GK5: variants seen among roughly 807,000 people sequenced by gnomAD.
GK5 encodes glycerol kinase 5, also known as ATP:glycerol 3-phosphotransferase 5.
A neutral mutation model predicts 77.3 loss-of-function variants in GK5; 39 were observed. That is an observed-to-expected ratio of 0.50 (90% CI 0.39 to 0.66). The LOEUF is 0.66. Among genes scored for constraint, GK5 ranks in the 30% least tolerant of loss-of-function variants. GK5 has a pLI of 0.00. For missense variants in GK5, 487 were observed against 633.8 expected (o/e 0.77, Z 2.49); for synonymous variants, 211 against 208.0 (o/e 1.01, Z -0.13).
intron 3 of GK5, among the ~76,000 whole-genome samples, chr3:142,206,093 T>C (rs1262111563): frequency 6.6e-6 from 1 of 152,220 alleles, no homozygotes; most frequent in Non-Finnish European, 1.5e-5. Flanking sequence ...GTATCAGAAA[T>C]GTATTCCGTT....
At chr3:142,206,851 C>T (rs1023351334) in intron 3 of GK5, among the ~76,000 whole-genome samples, 5 of 152,112 alleles carry the variant, frequency 3.3e-5, no homozygotes, top group South Asian at 2.1e-4. Flanking sequence ...TTATTGTTCA[C>T]GTGTAAAATT....
At chr3:142,174,821 C>T (rs916685743) in intron 12 of GK5, among the ~76,000 whole-genome samples, 31 of 152,166 alleles carry the variant, frequency 2.0e-4, no homozygotes, top group African/African-American at 6.8e-4. Flanking sequence ...AGATTCTCTG[C>T]CCTGAAAACC....
chr3:142,209,117 C>G (rs557105941), intron 3 of GK5, among the ~76,000 whole-genome samples: 2 of 151,974 alleles, frequency 1.3e-5, no homozygotes, highest in East Asian at 3.9e-4. Context: ...CCACTGCACT[C>G]CAGCCTGGGC....
intron 12 of GK5, among the ~76,000 whole-genome samples, chr3:142,176,658 ATTTTTT>A (rs1219207632): frequency 5.7e-5 from 6 of 105,196 alleles, no homozygotes; most frequent in African/African-American, 2.3e-4. Context: ...GGAGATTTTG[ATTTTTT>A]TTTTTTTTTT....
At chr3:142,221,304 G>A (rs960428650) in intron 1 of GK5, among the ~76,000 whole-genome samples, 2 of 152,122 alleles carry the variant, frequency 1.3e-5, no homozygotes, top group African/African-American at 2.4e-5. Flanking sequence ...ACTACAGACT[G>A]TAATAGTTTA....
At chr3:142,179,656 A>G (rs1459205329) in intron 11 of GK5, among the ~76,000 whole-genome samples, 1 of 152,226 alleles carries the variant, frequency 6.6e-6, no homozygotes, top group African/African-American at 2.4e-5. Flanking sequence ...GAAACAGAAA[A>G]CAAAGAGAGA....
At chr3:142,168,840 T>A (rs1243598024) in intron 15 of GK5, among the ~76,000 whole-genome samples, 1 of 149,568 alleles carries the variant, frequency 6.7e-6, no homozygotes, top group Non-Finnish European at 1.5e-5. Context: ...CCTCTCCCAC[T>A]CCCTTCTTGC....
intron 1 of GK5, among the ~76,000 whole-genome samples, chr3:142,217,771 T>C (rs1297674652): frequency 6.6e-6 from 1 of 152,078 alleles, no homozygotes; most frequent in Non-Finnish European, 1.5e-5. Flanking sequence ...ATTTCACATA[T>C]ACAGAACAAA....
intron 5 of GK5, among the ~76,000 whole-genome samples, chr3:142,191,378 A>G (rs2063848011): frequency 6.6e-6 from 1 of 151,984 alleles, no homozygotes; most frequent in African/African-American, 2.4e-5. Context: ...AAAGATATCA[A>G]TTGCCTAACA....
intron 5 of GK5, among the ~76,000 whole-genome samples, chr3:142,194,175 A>G (rs915704044): frequency 1.3e-5 from 2 of 152,216 alleles, no homozygotes; most frequent in Non-Finnish European, 2.9e-5. Flanking sequence ...ACTTGAGCCC[A>G]GGAGTTCAAG....
intron 1 of GK5, among the ~76,000 whole-genome samples, chr3:142,221,899 C>T (rs531905783): frequency 3.2e-4 from 49 of 152,232 alleles, no homozygotes; most frequent in African/African-American, 1.0e-3. Flanking sequence ...GTAAGATTGA[C>T]GTCTTCTCAC....
chr3:142,186,566 C>T, intron 6 of GK5, 53 bp from the exon 7 acceptor site: 1 of 782,808 alleles, frequency 1.3e-6, no homozygotes, highest in Non-Finnish European at 2.1e-6. Flanking sequence ...TAAATCAACA[C>T]CTATCGATAG....
At chr3:142,178,242 A>G (rs575965106) in intron 11 of GK5, among the ~76,000 whole-genome samples, 8 of 152,312 alleles carry the variant, frequency 5.3e-5, no homozygotes, top group Admixed American at 5.2e-4. Flanking sequence ...CCTCTGAAAG[A>G]TAAGAGCCAT....
Position 142,165,593 on chromosome 3 carries a change from AC to A in GK5, c.*28del. On this transcript the variant is annotated 3_prime_UTR_variant, in exon 16 of 16. Transcript: ENST00000392993. The stretch of plus-strand genomic sequence containing the variant: ...CATCTGCACGTCACATAAACCAGCT[AC>A]CTATGGTTTTGATCATTTCATTTAG... 1 of 1,558,444 alleles carries A rather than the reference AC, an allele frequency of 6.4e-7. No individual in the cohort carries two copies. Among genetic ancestry groups the A allele is most frequent in the Non-Finnish European group, 8.7e-7 (1 of 1,148,994 alleles).
intron 3 of GK5, among the ~76,000 whole-genome samples, chr3:142,209,329 T>G (rs148451279): frequency 6.6e-6 from 1 of 152,128 alleles, no homozygotes; most frequent in Non-Finnish European, 1.5e-5. Context: ...TAGAGCAAGA[T>G]AAAGCGTGTC....
intron 5 of GK5, among the ~76,000 whole-genome samples, chr3:142,188,512 C>A (rs531728943): frequency 6.6e-6 from 1 of 152,098 alleles, no homozygotes. Context: ...GGTGGCAGAG[C>A]GAGACTCCGT....
chr3:142,203,768 C>T (rs527816781), intron 4 of GK5, among the ~76,000 whole-genome samples: 7 of 152,124 alleles, frequency 4.6e-5, no homozygotes, highest in African/African-American at 1.7e-4. Flanking sequence ...AGCAAGACTC[C>T]ATCTCAAAAA....
intron 15 of GK5, among the ~76,000 whole-genome samples, chr3:142,169,669 C>CTTTTTTTTT: frequency 8.6e-6 from 1 of 116,932 alleles, no homozygotes; most frequent in Non-Finnish European, 1.8e-5. Flanking sequence ...CCTTACTGTT[C>CTTTTTTTTT]TTTTTTTTTT....
chr3:142,188,376 C>CA (rs1281860059), intron 5 of GK5, among the ~76,000 whole-genome samples: 4 of 151,326 alleles, frequency 2.6e-5, no homozygotes, highest in South Asian at 2.1e-4. Flanking sequence ...CTAAAATATA[C>CA]AAAAAAAAAT....
Sources: gnomAD v4.1 joint callset for allele counts (sites outside exome capture counted in the v4.1 genomes callset) on GRCh38, gnomAD v4.1.1 for gene constraint, MANE v1.5 for transcripts, NCBI Gene and HGNC (gene_info 2026-07-23, HGNC 2026-07-21) for gene names.